MTMR9: variants seen among roughly 807,000 people sequenced by gnomAD.
MTMR9 encodes myotubularin-related protein 9.
A neutral mutation model predicts 69.5 loss-of-function variants in MTMR9; 39 were observed. That is an observed-to-expected ratio of 0.56 (90% CI 0.43 to 0.73). The LOEUF is 0.73. Ranked by LOEUF, MTMR9 falls within the 30% of genes least tolerant of loss-of-function variation. The probability of loss-of-function intolerance (pLI) is 0.00; values close to 1 mark genes in which losing one functional copy is unlikely to be tolerated. For synonymous variants in MTMR9, 354 were observed against 240.8 expected (o/e 1.47, Z -4.35); for missense variants, 900 against 671.2 (o/e 1.34, Z -3.77).
intron 7 of MTMR9, chr8:11,316,227 A>G (rs528994769): frequency 6.5e-6 from 1 of 152,778 alleles, no homozygotes; most frequent in African/African-American, 2.4e-5. Context: ...TCAGAGTTCC[A>G]TATCTGTCTC....
At position 11,322,777 on chromosome 8, in the gene MTMR9, G is replaced by C. The variant is rs1488914887; in HGVS notation, c.1639G>C (p.Glu547Gln). Residue 547 changes from glutamate (E) to glutamine (Q), a missense_variant, in exon 10 of 10, where the codon GAG becomes CAG. Physicochemically the swap from Glu to Gln is conservative, Grantham distance 29. Coordinates refer to ENST00000221086, the MANE Select transcript of MTMR9 (RefSeq NM_015458.4). ...ACTGGAAACAGAGGACGGGATGCAG[G>C]AGAGTCCCTGAAAGGTCTCCTCGCA... is the stretch of plus-strand genomic sequence containing the variant. The part of the protein sequence containing the change: ...AELETEDGMQ[E>Q]SP The C allele has an allele frequency of 6.2e-7, 1 of 1,613,868 alleles. No individual in the cohort carries two copies. Among genetic ancestry groups the C allele is most frequent in the Non-Finnish European group, 8.5e-7 (1 of 1,179,878 alleles).
chr8:11,304,476 T>C (rs1022196490), intron 3 of MTMR9, among the ~76,000 whole-genome samples: 2 of 152,170 alleles, frequency 1.3e-5, no homozygotes, highest in Non-Finnish European at 2.9e-5. Flanking sequence ...AATAGAACAC[T>C]AAGGAGGATC....
chr8:11,285,952 T>A (rs541425244), intron 1 of MTMR9, among the ~76,000 whole-genome samples: 1 of 138,724 alleles, frequency 7.2e-6, no homozygotes, highest in Non-Finnish European at 1.6e-5. Flanking sequence ...TTCTTTCTTT[T>A]TTTTTTTTTT....
chr8:11,318,466 T>G (rs901494726), intron 8 of MTMR9: 1 of 152,204 alleles, frequency 6.6e-6, no homozygotes, highest in Non-Finnish European at 1.5e-5. Context: ...TGCAGTAAGT[T>G]GCACGTAGCT....
intron 2 of MTMR9, among the ~76,000 whole-genome samples, chr8:11,296,956 G>A: frequency 6.6e-6 from 1 of 152,078 alleles, no homozygotes; most frequent in East Asian, 1.9e-4. Flanking sequence ...TAGTTTAAAT[G>A]GAAGAGCTCA....
downstream of MTMR9, chr8:11,331,381 A>G: frequency 1.2e-6 from 2 of 1,612,910 alleles, no homozygotes; most frequent in Non-Finnish European, 8.5e-7. Context: ...CTGCGTGGCG[A>G]CCCCCTTCTG....
chr8:11,297,382 G>T (rs142112527), intron 2 of MTMR9, among the ~76,000 whole-genome samples: 18 of 152,360 alleles, frequency 1.2e-4, no homozygotes, highest in Middle Eastern at 3.4e-3. Flanking sequence ...AGTAATGCAT[G>T]ATGTTGATTT....
chr8:11,288,089 A>G (rs1799246551), intron 1 of MTMR9, among the ~76,000 whole-genome samples: 1 of 131,486 alleles, frequency 7.6e-6, no homozygotes, highest in Non-Finnish European at 1.6e-5. Context: ...TATATAATAT[A>G]TATAATTATT....
intron 3 of MTMR9, among the ~76,000 whole-genome samples, chr8:11,302,688 C>A (rs984222676): frequency 5.9e-5 from 9 of 152,098 alleles, no homozygotes; most frequent in African/African-American, 1.9e-4. Flanking sequence ...TCCATTGTGA[C>A]TACTTCTAGT....
At position 11,304,953 on chromosome 8, in the gene MTMR9, C is replaced by G. The variant is rs1320605334; in HGVS notation, c.530C>G (p.Ala177Gly). 1 of 1,613,966 alleles carries G rather than the reference C, an allele frequency of 6.2e-7. No individual in the cohort carries two copies. The highest frequency in any genetic ancestry group is 2.2e-5 in the East Asian group (1 of 44,900). ...GATGATGAAGCTCTTCGGAAGGTAG[C>G]TACATTTCGACATGGAGGGCGCTTC... ...SIDDEALRKVATFRHGGRFPV... is the reference protein window; with the variant it reads ...SIDDEALRKVGTFRHGGRFPV... The change falls in exon 4 of 10, where the codon GCT becomes GGT. Residue 177 changes from alanine to glycine, a missense_variant. Ala to Gly is a moderately conservative substitution (Grantham distance 60). Coordinates refer to ENST00000221086, the MANE Select transcript of MTMR9 (RefSeq NM_015458.4).
chr8:11,296,824 T>C (rs1158004052), intron 2 of MTMR9, among the ~76,000 whole-genome samples: 1 of 152,212 alleles, frequency 6.6e-6, no homozygotes, highest in African/African-American at 2.4e-5. Flanking sequence ...GTTTTTTGTT[T>C]GTTTTTAGTA....
chr8:11,295,347 T>C (rs559852066), intron 2 of MTMR9, 45 bp downstream of exon 2: 1 of 1,069,112 alleles, frequency 9.4e-7, no homozygotes, highest in Non-Finnish European at 1.4e-6. Flanking sequence ...AATTTTATAT[T>C]ATGACTCAGT....
rs1483179757 is a variant in MTMR9 at position 11,287,737 on chromosome 8, A to G, written c.182+2667A>G. On this transcript the variant is annotated intron_variant, in intron 1 of 9. Transcript: ENST00000221086. ...TTATAATATATATTATATATTATATATTATTTTCTTATATATTTATTATTT... is the reference window on the plus strand; with the variant it reads ...TTATAATATATATTATATATTATATGTTATTTTCTTATATATTTATTATTT... 4.5e-5 allele frequency among the ~76,000 whole-genome samples: 6 copies of G among 134,044 alleles called. No individual in the cohort carries two copies. In the East Asian group the frequency reaches 6.1e-4, roughly 14 times the overall value. 87.9% of individuals were successfully genotyped at this position (134,044 alleles called of 152,430 possible).
chr8:11,328,459 A>G (rs1801047019), downstream of MTMR9, among the ~76,000 whole-genome samples: 1 of 152,090 alleles, frequency 6.6e-6, no homozygotes, highest in African/African-American at 2.4e-5. Context: ...GAATCTCCCA[A>G]GAATTAGGAA....
At chr8:11,330,261 C>G (rs35631424), downstream of MTMR9, among the ~76,000 whole-genome samples, 60,372 of 149,374 alleles carry the variant, frequency 0.4, 13,756 homozygotes, top group East Asian at 0.74. Flanking sequence ...GTCAGCCCCC[C>G]ACCGGCCAGC....
chr8:11,332,351 T>G (rs1440017437), downstream of MTMR9: 1 of 797,716 alleles, frequency 1.3e-6, no homozygotes, highest in Non-Finnish European at 1.8e-6. Flanking sequence ...ATAAAATTAA[T>G]TGAACTATCC....
At chr8:11,311,826 G>C (rs562871364) in intron 6 of MTMR9, among the ~76,000 whole-genome samples, 1 of 151,280 alleles carries the variant, frequency 6.6e-6, no homozygotes, top group African/African-American at 2.4e-5. Flanking sequence ...ATTAGAGTCA[G>C]TTCTCTCAAA....
At chr8:11,333,008 A>G (rs1801292132), downstream of MTMR9, among the ~76,000 whole-genome samples, 2 of 152,238 alleles carry the variant, frequency 1.3e-5, no homozygotes, top group South Asian at 2.1e-4. Flanking sequence ...AAAATAGTGA[A>G]TAGACTTCAA....
rs577026579 is a variant in MTMR9 at position 11,315,223 on chromosome 8, C to G, written c.1113+159C>G. Reference sequence around the variant, plus strand: ...CAGTTAATCTGTCTTCTCCTTGTTTCTGGATGTCTCTTTGCCTGTATTCCT... The same window carrying G: ...CAGTTAATCTGTCTTCTCCTTGTTTGTGGATGTCTCTTTGCCTGTATTCCT... On this transcript the variant is annotated intron_variant, in intron 7 of 9. Coordinates refer to ENST00000221086, the MANE Select transcript of MTMR9 (RefSeq NM_015458.4). 3.3e-5 allele frequency among the ~76,000 whole-genome samples: 5 copies of G among 152,322 alleles called. No homozygotes were observed. The South Asian group carries it at 1.0e-3, about 32-fold the overall frequency.
Sources: allele counts gnomAD v4.1 joint callset (sites outside exome capture counted in the v4.1 genomes callset), GRCh38; gene constraint gnomAD v4.1.1; transcripts MANE v1.5; gene names NCBI Gene and HGNC (gene_info 2026-07-23, HGNC 2026-07-21).